Variants in RNF144B observed in about 807,000 individuals in gnomAD.
RNF144B encodes E3 ubiquitin-protein ligase RNF144B.
Under a neutral mutation model 40.2 loss-of-function variants are expected in RNF144B, and 25 were observed. The ratio of observed to expected loss-of-function variants is 0.62; its 90% CI spans 0.45 to 0.87. The LOEUF (loss-of-function observed/expected upper bound fraction) is 0.87, where lower values mean the gene tolerates loss of function less well. Among genes scored for constraint, RNF144B ranks in the 40% least tolerant of loss-of-function variants. The pLI is 0.00. For missense variants in RNF144B, 365 were observed against 373.7 expected (o/e 0.98, Z 0.19); for synonymous variants, 145 against 136.3 (o/e 1.06, Z -0.44).
At chr6:18,390,010 T>C (rs978756662) in intron 1 of RNF144B, among the ~76,000 whole-genome samples, 2 of 152,210 alleles carry the variant, frequency 1.3e-5, no homozygotes, top group African/African-American at 2.4e-5. Context: ...ACTGAGTGAC[T>C]GATTTGCTAG....
chr6:18,418,626 T>C lies in RNF144B; in HGVS notation c.166-8955T>C, dbSNP rs1334164647. On this transcript the variant is annotated intron_variant, in intron 2 of 7. Coordinates refer to ENST00000259939, the MANE Select transcript of RNF144B (RefSeq NM_182757.4). This position sits in a 1 kb window ranked among gnomAD's most constrained non-coding sequence, Gnocchi z 5.2. ...ATGGGCACAGAGTTTCTTTTGGGATTATGAAATGTTCTAAAATCAAATTTG... is the reference window on the plus strand; with the variant it reads ...ATGGGCACAGAGTTTCTTTTGGGATCATGAAATGTTCTAAAATCAAATTTG... 6.6e-6 allele frequency among the ~76,000 whole-genome samples: 1 copy of C among 152,144 alleles called. No homozygotes were observed. The highest frequency in any genetic ancestry group is 1.5e-5 in the Non-Finnish European group (1 of 68,024).
chr6:18,461,339 G>A (rs1759450099), intron 6 of RNF144B, among the ~76,000 whole-genome samples: 1 of 152,180 alleles, frequency 6.6e-6, no homozygotes, highest in African/African-American at 2.4e-5. Context: ...ATGCATCTAA[G>A]TGAGTGATAT....
intron 2 of RNF144B, among the ~76,000 whole-genome samples, chr6:18,409,582 C>CTTTTTTTTTTTTTTTTTGGTTTTTTTTT (rs1044495097): frequency 2.2e-5 from 1 of 45,948 alleles, no homozygotes; most frequent in Non-Finnish European, 4.5e-5. Context: ...TTTTTTTTTA[C>CTTTTTTTTTTTTTTTTTGGTTTTTTTTT]TTTTTGAGAT....
intron 3 of RNF144B, among the ~76,000 whole-genome samples, chr6:18,432,357 G>A (rs1381408151): frequency 6.6e-6 from 1 of 152,194 alleles, no homozygotes; most frequent in East Asian, 1.9e-4. Context: ...GTGAGAGACA[G>A]TGACTCAGGA....
In RNF144B at chr6:18,441,101, T is replaced by C. The variant is rs7775099; in HGVS notation, c.331+1357T>C. On this transcript the variant is annotated intron_variant, in intron 4 of 7. Coordinates refer to ENST00000259939, the MANE Select transcript of RNF144B (RefSeq NM_182757.4). This position sits in a 1 kb window ranked among gnomAD's most constrained non-coding sequence, Gnocchi z 4.9. ...AATGATGGGGGTAGTTAATATTGAC[T>C]CTCTCTAATCCATCCACATGGGCCG... Among the ~76,000 whole-genome samples, 18,958 of 152,106 alleles carry C rather than the reference T, an allele frequency of 0.12. 1,356 individuals are homozygous for C. Among genetic ancestry groups the C allele is most frequent in the Admixed American group, 0.19 (2,938 of 15,258 alleles).
chr6:18,396,213 T>A (rs1277468116), intron 1 of RNF144B: 1 of 262,208 alleles, frequency 3.8e-6, no homozygotes, highest in African/African-American at 2.3e-5. Flanking sequence ...ATTACCACAA[T>A]TTTTAGTTCT....
In RNF144B at chr6:18,456,395, C is replaced by T. The variant is rs1283086611; in HGVS notation, c.332-760C>T. 6.6e-6 allele frequency among the ~76,000 whole-genome samples: 1 copy of T among 152,196 alleles called. No homozygotes were observed. Among genetic ancestry groups the T allele is most frequent in the Non-Finnish European group, 1.5e-5 (1 of 68,034 alleles). The stretch of plus-strand genomic sequence containing the variant: ...TAATTTCCTGGGAATGTGGAAGAAA[C>T]CTCACTATCTGTTTCTCAGTGCCTG... On this transcript the variant is annotated intron_variant, in intron 4 of 7. Coordinates refer to ENST00000259939, the MANE Select transcript of RNF144B (RefSeq NM_182757.4). The surrounding 1 kb of genome is among the most constrained non-coding windows in gnomAD (Gnocchi z 4.7).
intron 4 of RNF144B, among the ~76,000 whole-genome samples, chr6:18,453,425 A>G (rs1759257732): frequency 6.6e-6 from 1 of 152,042 alleles, no homozygotes; most frequent in South Asian, 2.1e-4. Context: ...GGCATGAGCT[A>G]CTGCACCCAG....
At position 18,448,376 on chromosome 6, in the gene RNF144B, A is replaced by G. The variant is rs899426221; in HGVS notation, c.331+8632A>G. Among the ~76,000 whole-genome samples the G allele has an allele frequency of 1.3e-5, 2 of 152,018 alleles. No homozygotes were observed. The highest frequency in any genetic ancestry group is 2.9e-5 in the Non-Finnish European group (2 of 68,000). On this transcript the variant is annotated intron_variant, in intron 4 of 7. Coordinates refer to ENST00000259939, the MANE Select transcript of RNF144B (RefSeq NM_182757.4). The surrounding 1 kb of genome is among the most constrained non-coding windows in gnomAD (Gnocchi z 4.0). The stretch of plus-strand genomic sequence containing the variant: ...GACATGGATGCAGGCAGCCTAGTAG[A>G]TTGGTCTGCATGGGTTCTCTTCTAG...
In RNF144B at chr6:18,398,977, T is replaced by C. The variant is rs185447716; in HGVS notation, c.-36-522T>C. On this transcript the variant is annotated intron_variant, in intron 1 of 7. Transcript: ENST00000259939. The surrounding 1 kb of genome is among the most constrained non-coding windows in gnomAD (Gnocchi z 5.0). ...GCCCCTGACCTTCATTAAGGTATAATTGACAAATTACATTTGCAGTATACA... is the reference window on the plus strand; with the variant it reads ...GCCCCTGACCTTCATTAAGGTATAACTGACAAATTACATTTGCAGTATACA... 5.1e-4 allele frequency among the ~76,000 whole-genome samples: 78 copies of C among 152,340 alleles called. No homozygotes were observed. Among genetic ancestry groups the C allele is most frequent in the African/African-American group, 1.9e-3 (77 of 41,572 alleles).
In RNF144B at chr6:18,406,646, G is replaced by T. The variant is rs1219483530; in HGVS notation, c.165+6947G>T. ...CAGTGGTATAAGTCCCAGTCCGAGG[G>T]CAGGAGAAAACTGATGTCCCAGCTC... On this transcript the variant is annotated intron_variant, in intron 2 of 7. Transcript: ENST00000259939. This position sits in a 1 kb window ranked among gnomAD's most constrained non-coding sequence, Gnocchi z 4.2. Among the ~76,000 whole-genome samples, 1 of 152,062 alleles carries T rather than the reference G, an allele frequency of 6.6e-6. No homozygotes were observed. The highest frequency in any genetic ancestry group is 2.4e-5 in the African/African-American group (1 of 41,398).
Position 18,464,018 on chromosome 6 carries a change from G to A in RNF144B, c.771+638G>A, listed in dbSNP as rs760979104. 3.3e-5 allele frequency among the ~76,000 whole-genome samples: 5 copies of A among 152,136 alleles called. No homozygotes were observed. Among genetic ancestry groups the A allele is most frequent in the South Asian group, 2.1e-4 (1 of 4,838 alleles). ...CTCCACCTGGCCCTGTCCTTGACAC[G>A]TGGGGATTATTACAATTCAAGATGA... On this transcript the variant is annotated intron_variant, in intron 7 of 7. Transcript: ENST00000259939. This position sits in a 1 kb window ranked among gnomAD's most constrained non-coding sequence, Gnocchi z 6.1.
intron 3 of RNF144B, among the ~76,000 whole-genome samples, chr6:18,435,283 G>A (rs1306273232): frequency 6.6e-6 from 1 of 152,208 alleles, no homozygotes; most frequent in Non-Finnish European, 1.5e-5. Context: ...GTGGTCTCTT[G>A]ATAGCTGAGA....
intron 4 of RNF144B, among the ~76,000 whole-genome samples, chr6:18,453,235 T>C (rs1759251830): frequency 6.8e-6 from 1 of 147,654 alleles, no homozygotes; most frequent in African/African-American, 2.5e-5. Flanking sequence ...GCCTCCCAGG[T>C]TCAAATGATT....
rs1759141952 is a variant in RNF144B at position 18,448,724 on chromosome 6, C to CCA, written c.332-8430_332-8429insAC. ...CACACACACACACACACACCCCACC[C>CCA]CCAAGATAGAACCAGCAAAAGTTTC... On this transcript the variant is annotated intron_variant, in intron 4 of 7. Transcript: ENST00000259939. The surrounding 1 kb of genome is among the most constrained non-coding windows in gnomAD (Gnocchi z 4.0). 6.7e-6 allele frequency among the ~76,000 whole-genome samples: 1 copy of CCA among 149,252 alleles called. No individual in the cohort carries two copies. Among genetic ancestry groups the CCA allele is most frequent in the African/African-American group, 2.5e-5 (1 of 40,492 alleles).
At chr6:18,463,641 G>A (rs9477752) in intron 7 of RNF144B, among the ~76,000 whole-genome samples, 50 of 152,338 alleles carry the variant, frequency 3.3e-4, no homozygotes, top group African/African-American at 1.1e-3. Flanking sequence ...GCAGAATGCA[G>A]GCAGATGTTC....
chr6:18,445,746 G>A (rs1424051504), intron 4 of RNF144B, among the ~76,000 whole-genome samples: 1 of 152,092 alleles, frequency 6.6e-6, no homozygotes, highest in Non-Finnish European at 1.5e-5. Context: ...GCTACATAAT[G>A]TTTTCATCAC....
At chr6:18,427,793 G>A (rs1282271618) in intron 3 of RNF144B, 108 bp downstream of exon 3, 1 of 719,206 alleles carries the variant, frequency 1.4e-6, no homozygotes, top group Non-Finnish European at 2.3e-6. Flanking sequence ...AAAATACAGA[G>A]GTTAACTTTT....
Position 18,457,409 on chromosome 6 carries a change from A to AT in RNF144B, c.536+52dup. 1 of 1,375,840 alleles carries AT rather than the reference A, an allele frequency of 7.3e-7. No homozygotes were observed. The allele number at this position is 1,375,840 out of a possible 1,614,324, so 85.2% of individuals were successfully genotyped here. A position where few individuals can be genotyped will look rare whatever the true frequency, so the allele number is the denominator to read the frequency against. ...GGATTATTCACTAGTTTTCTTAGAA[A>AT]TTCAACATACCTTACGTGTAGAAGG... On this transcript the variant is annotated intron_variant, in intron 5 of 7. Transcript: ENST00000259939. This position sits in a 1 kb window ranked among gnomAD's most constrained non-coding sequence, Gnocchi z 5.1.
Sources: allele counts gnomAD v4.1 joint callset (sites outside exome capture counted in the v4.1 genomes callset), GRCh38; gene constraint gnomAD v4.1.1; non-coding constraint Gnocchi (gnomAD v3.1); transcripts MANE v1.5; gene names NCBI Gene and HGNC (gene_info 2026-07-23, HGNC 2026-07-21).